Variants in ZNF660 observed in about 807,000 individuals in gnomAD.
ZNF660 encodes zinc finger protein 660.
A neutral mutation model predicts 23.2 loss-of-function variants in ZNF660; 24 were observed. The ratio of observed to expected loss-of-function variants is 1.04; its 90% CI spans 0.75 to 1.46. The LOEUF is 1.46. Ranked by LOEUF, ZNF660 falls within the 40% of genes most tolerant of loss-of-function variation. ZNF660 has a pLI of 0.00. For synonymous variants in ZNF660, 117 were observed against 131.4 expected, an observed-to-expected ratio of 0.89 and a Z score of 0.75; for missense variants, 373 against 396.8, an observed-to-expected ratio of 0.94 and a Z score of 0.51.
At position 44,594,633 on chromosome 3, in the gene ZNF660, C is replaced by A. The variant is rs368349553; in HGVS notation, c.440C>A (p.Ser147Ter). 1.2e-6 allele frequency: 2 copies of A among 1,613,762 alleles called. No individual in the cohort carries two copies. The highest frequency in any genetic ancestry group is 2.7e-5 in the African/African-American group (2 of 74,790). ...TGTGGGAAAGCCTTTAGTCGGAGTT[C>A]GGGCCTTATATCACATCACAGAGTT... is the stretch of plus-strand genomic sequence containing the variant. ...KECGKAFSRSSGLISHHRVHT... is the reference protein window; with the variant it reads ...KECGKAFSRS The change falls in exon 3 of 3, where the codon TCG becomes TAG. Residue 147 changes from serine to a stop codon, truncating the protein, a stop_gained. Coordinates refer to ENST00000322734, the MANE Select transcript of ZNF660 (RefSeq NM_173658.4). LOFTEE classifies it high-confidence loss of function.
intron 1 of ZNF660, among the ~76,000 whole-genome samples, chr3:44,585,734 C>T (rs941074870): frequency 6.6e-6 from 1 of 152,188 alleles, no homozygotes; most frequent in Non-Finnish European, 1.5e-5. Flanking sequence ...TCCCTCTCAT[C>T]CCCCTTGTGC....
At position 44,595,210 on chromosome 3, in the gene ZNF660, T is replaced by A. The variant is rs1700573439; in HGVS notation, c.*21T>A. On this transcript the variant is annotated 3_prime_UTR_variant, in exon 3 of 3. Coordinates refer to ENST00000322734, the MANE Select transcript of ZNF660 (RefSeq NM_173658.4). ...CATAAATAACAAATATTGTGGGTAG[T>A]AGGGCTGACTGCTGCTTTTCTAAAA... is the stretch of plus-strand genomic sequence containing the variant. 1.3e-6 allele frequency: 2 copies of A among 1,524,670 alleles called. No individual in the cohort carries two copies. Among genetic ancestry groups the A allele is most frequent in the South Asian group, 1.3e-5 (1 of 74,604 alleles). 94.4% of individuals were successfully genotyped at this position (1,524,670 alleles called of 1,614,324 possible).
At chr3:44,587,464 T>C (rs1019387292) in intron 2 of ZNF660, among the ~76,000 whole-genome samples, 1 of 152,222 alleles carries the variant, frequency 6.6e-6, no homozygotes, top group Non-Finnish European at 1.5e-5. Context: ...CCTAGTGTCC[T>C]ACTGGCCTGT....
Position 44,595,873 on chromosome 3 carries a change from C to T in ZNF660, c.*684C>T, listed in dbSNP as rs1241380093. On this transcript the variant is annotated 3_prime_UTR_variant, in exon 3 of 3. Transcript: ENST00000322734. ...TTCCTGTTAAGTAAAATCATAAACA[C>T]CGATCCTTTGTCCTTTTTAGTTTTA... 1.2e-5 allele frequency: 2 copies of T among 167,040 alleles called. No homozygotes were observed. Among genetic ancestry groups the T allele is most frequent in the African/African-American group, 4.8e-5 (2 of 41,442 alleles). 10.3% of individuals were successfully genotyped at this position (167,040 alleles called of 1,614,324 possible). A position where few individuals can be genotyped will look rare whatever the true frequency, so the allele number is the denominator to read the frequency against.
intron 2 of ZNF660, among the ~76,000 whole-genome samples, chr3:44,593,310 A>G (rs577722923): frequency 1.3e-5 from 2 of 152,346 alleles, no homozygotes; most frequent in East Asian, 3.9e-4. Context: ...TATCACTAGT[A>G]CTAGGGGAAT....
chr3:44,593,918 C>A (rs936086710), intron 2 of ZNF660, 96 bp from the exon 3 acceptor site: 3 of 535,006 alleles, frequency 5.6e-6, no homozygotes, highest in Non-Finnish European at 7.1e-6. Context: ...GAACACTTAA[C>A]CCTTCCATAT....
Position 44,597,507 on chromosome 3 carries a change from GT to G in ZNF660, c.*2321del, listed in dbSNP as rs1700651470. ...TTTGTCCTATTTTGATAGGATAGTG[GT>G]TTGCACATAATTTGTGATATAATAG... On this transcript the variant is annotated 3_prime_UTR_variant, in exon 3 of 3. Coordinates refer to ENST00000322734, the MANE Select transcript of ZNF660 (RefSeq NM_173658.4). This position sits in a 1 kb window ranked among gnomAD's most constrained non-coding sequence, Gnocchi z 4.1. 6.6e-6 allele frequency: 1 copy of G among 152,162 alleles called. No individual in the cohort carries two copies. Among genetic ancestry groups the G allele is most frequent in the African/African-American group, 2.4e-5 (1 of 41,438 alleles). 9.4% of individuals were successfully genotyped at this position (152,162 alleles called of 1,614,324 possible). A position where few individuals can be genotyped will look rare whatever the true frequency, so the allele number is the denominator to read the frequency against.
At position 44,594,520 on chromosome 3, in the gene ZNF660, T is replaced by C; in HGVS notation, c.327T>C (p.Ser109=). The stretch of plus-strand genomic sequence containing the variant: ...CTGGACTGAAGCCCTATACATGCAG[T>C]GAATGTGGGAAATCTTTCAGTGGAA... ...IHTGLKPYTC[S]ECGKSFSGKS... Residue 109 remains serine, a synonymous_variant, in exon 3 of 3, where the codon AGT becomes AGC. Transcript: ENST00000322734. 1.9e-6 allele frequency: 3 copies of C among 1,613,976 alleles called. No homozygotes were observed. The highest frequency in any genetic ancestry group is 2.5e-6 in the Non-Finnish European group (3 of 1,180,014).
chr3:44,598,143 T>C lies in ZNF660; in HGVS notation c.*2954T>C, dbSNP rs1700679915. ...TTTTTCTTTCTTTTCTTTTCTTTTC[T>C]TTTTTTTTTTTTTTTGAGATGGAAT... On this transcript the variant is annotated 3_prime_UTR_variant, in exon 3 of 3. Coordinates refer to ENST00000322734, the MANE Select transcript of ZNF660 (RefSeq NM_173658.4). 1 of 14,590 alleles carries C rather than the reference T, an allele frequency of 6.9e-5. No individual in the cohort carries two copies. The allele number at this position is 14,590 out of a possible 1,614,324, so 0.9% of individuals were successfully genotyped here.
rs375938341 is a variant in ZNF660, at chr3:44,594,842, C to A, written c.649C>A (p.Pro217Thr). The part of the protein sequence containing the change: ...DHQRIHTGEK[P>T]YECDECGKTF... ...TCAGAGAATTCACACTGGAGAGAAG[C>A]CTTATGAATGTGATGAGTGTGGAAA... The change falls in exon 3 of 3, where the codon CCT becomes ACT. Residue 217 changes from proline (P) to threonine (T), a missense_variant. Physicochemically the swap from Pro to Thr is conservative, Grantham distance 38. Coordinates refer to ENST00000322734, the MANE Select transcript of ZNF660 (RefSeq NM_173658.4). 1.1e-5 allele frequency: 18 copies of A among 1,613,996 alleles called. No individual in the cohort carries two copies. Among genetic ancestry groups the A allele is most frequent in the South Asian group, 5.5e-5 (5 of 91,084 alleles).
Position 44,595,792 on chromosome 3 carries a change from C to T in ZNF660, c.*603C>T, listed in dbSNP as rs1468169597. The T allele has an allele frequency of 6.0e-6, 1 of 167,124 alleles. No homozygotes were observed. The highest frequency in any genetic ancestry group is 1.5e-5 in the Non-Finnish European group (1 of 68,126). The allele number at this position is 167,124 out of a possible 1,614,324, so 10.4% of individuals were successfully genotyped here. A position where few individuals can be genotyped will look rare whatever the true frequency, so the allele number is the denominator to read the frequency against. ...CCAAAGCCCTGGGATTGCACCCTGA[C>T]ACTGGCATTTAGCAGCAGTGGAACC... is the stretch of plus-strand genomic sequence containing the variant. On this transcript the variant is annotated 3_prime_UTR_variant, in exon 3 of 3. Transcript: ENST00000322734.
chr3:44,593,294 C>A (rs976959456), intron 2 of ZNF660, among the ~76,000 whole-genome samples: 3 of 152,112 alleles, frequency 2.0e-5, no homozygotes, highest in African/African-American at 4.8e-5. Flanking sequence ...TACATACTGG[C>A]CACAGTATCA....
At chr3:44,585,686 T>C (rs1170090608) in intron 1 of ZNF660, among the ~76,000 whole-genome samples, 5 of 152,194 alleles carry the variant, frequency 3.3e-5, no homozygotes, top group African/African-American at 1.2e-4. Flanking sequence ...GACTTGTTTC[T>C]TTCTGTCTTC....
chr3:44,594,870 C>T lies in ZNF660; in HGVS notation c.677C>T (p.Thr226Ile), dbSNP rs763527148. The change falls in exon 3 of 3, where the codon ACT becomes ATT. Residue 226 changes from threonine (T) to isoleucine (I), a missense_variant. By Grantham distance (89) the Thr-to-Ile change is moderately conservative. Transcript: ENST00000322734. ...TATGAATGTGATGAGTGTGGAAAAA[C>T]TTTCATCTTAAGGAAAACTCTTAAT... ...KPYECDECGK[T>I]FILRKTLNEH... 6.2e-7 allele frequency: 1 copy of T among 1,614,102 alleles called. No homozygotes were observed. The highest frequency in any genetic ancestry group is 2.2e-5 in the East Asian group (1 of 44,884).
At chr3:44,588,414 GA>G (rs753753828) in intron 2 of ZNF660, among the ~76,000 whole-genome samples, 99 of 152,194 alleles carry the variant, frequency 6.5e-4, no homozygotes, top group Non-Finnish European at 1.3e-3. Flanking sequence ...CTCCAACATA[GA>G]AGATTACATT....
At position 44,587,775 on chromosome 3, in the gene ZNF660, C is replaced by T. The variant is rs548803346; in HGVS notation, c.-181+1562C>T. Among the ~76,000 whole-genome samples the T allele has an allele frequency of 7.2e-4, 110 of 152,324 alleles. 1 individual carries two copies. Among genetic ancestry groups the T allele is most frequent in the Middle Eastern group, 6.8e-3 (2 of 294 alleles). ...TGTGTTGCTGTAAAGAAATACCAGC[C>T]GGGCGCGGTGGCTTACGCCTGCAAT... On this transcript the variant is annotated intron_variant, in intron 2 of 2. Coordinates refer to ENST00000322734, the MANE Select transcript of ZNF660 (RefSeq NM_173658.4).
At chr3:44,591,139 T>C (rs1700409941) in intron 2 of ZNF660, among the ~76,000 whole-genome samples, 2 of 152,204 alleles carry the variant, frequency 1.3e-5, no homozygotes, top group South Asian at 4.1e-4. Context: ...GGTCAAACTT[T>C]TTTTTTTGAG....
At position 44,594,123 on chromosome 3, in the gene ZNF660, A is replaced by T. The variant is rs150323617; in HGVS notation, c.-71A>T. The T allele has an allele frequency of 1.8e-5, 29 of 1,600,106 alleles. No individual in the cohort carries two copies. In the African/African-American group the frequency reaches 2.8e-4, roughly 16 times the overall value. On this transcript the variant is annotated 5_prime_UTR_variant, in exon 3 of 3. Transcript: ENST00000322734. ...CACAGAGACATTGCCCAGGAAGTCA[A>T]AATTTAGAAGGCTCCTCTGAAGGGA...
rs1162116468 is a variant in ZNF660 at position 44,595,780 on chromosome 3, A to T, written c.*591A>T. 1 of 167,106 alleles carries T rather than the reference A, an allele frequency of 6.0e-6. No individual in the cohort carries two copies. The highest frequency in any genetic ancestry group is 1.9e-4 in the East Asian group (1 of 5,202). The allele number at this position is 167,106 out of a possible 1,614,324, so 10.4% of individuals were successfully genotyped here. A position where few individuals can be genotyped will look rare whatever the true frequency, so the allele number is the denominator to read the frequency against. On this transcript the variant is annotated 3_prime_UTR_variant, in exon 3 of 3. Coordinates refer to ENST00000322734, the MANE Select transcript of ZNF660 (RefSeq NM_173658.4). ...AGTATATAGAGCCCAAAGCCCTGGGATTGCACCCTGACACTGGCATTTAGC... is the reference window on the plus strand; with the variant it reads ...AGTATATAGAGCCCAAAGCCCTGGGTTTGCACCCTGACACTGGCATTTAGC...
Sources: gnomAD v4.1 joint callset for allele counts (sites outside exome capture counted in the v4.1 genomes callset) on GRCh38, gnomAD v4.1.1 for gene constraint, Gnocchi (gnomAD v3.1) non-coding constraint, MANE v1.5 for transcripts, NCBI Gene and HGNC (gene_info 2026-07-23, HGNC 2026-07-21) for gene names.